The following PACRG variants were observed in gnomAD, a reference collection of about 807,000 sequenced individuals.
PACRG encodes the protein parkin coregulated.
In PACRG, 29 loss-of-function variants were observed where a neutral mutation model predicts 29.7. The ratio of observed to expected loss-of-function variants is 0.98; its 90% CI spans 0.73 to 1.33. The LOEUF (loss-of-function observed/expected upper bound fraction) is 1.33, where lower values mean the gene tolerates loss of function less well. Ranked by LOEUF, PACRG falls within the 40% of genes most tolerant of loss-of-function variation. PACRG has a pLI of 0.00. For missense variants in PACRG, 279 were observed against 316.2 expected, an observed-to-expected ratio of 0.88 and a Z score of 0.89; for synonymous variants, 116 against 118.7, an observed-to-expected ratio of 0.98 and a Z score of 0.15.
intron 2 of PACRG, among the ~76,000 whole-genome samples, chr6:162,868,449 G>T (rs1460269902): frequency 2.6e-5 from 4 of 152,226 alleles, no homozygotes; most frequent in South Asian, 2.1e-4. Context: ...GGGAGCTGTG[G>T]CAGGCCAGCC....
At chr6:163,029,896 G>T (rs1011790835) in intron 2 of PACRG, among the ~76,000 whole-genome samples, 3 of 152,112 alleles carry the variant, frequency 2.0e-5, no homozygotes, top group Non-Finnish European at 4.4e-5. Flanking sequence ...GGTACTTGTT[G>T]GGCATAGCTT....
At chr6:163,112,060 A>T (rs1336809283) in intron 4 of PACRG, 1 of 961,340 alleles carries the variant, frequency 1.0e-6, no homozygotes, top group Non-Finnish European at 1.2e-6. Flanking sequence ...TTCATTGAGG[A>T]ATTTTTAAAA....
intron 4 of PACRG, among the ~76,000 whole-genome samples, chr6:163,255,750 C>T (rs1321384360): frequency 6.6e-6 from 1 of 152,172 alleles, no homozygotes; most frequent in Non-Finnish European, 1.5e-5. Context: ...AACTCTCGTG[C>T]CTTAGCCTCC....
In PACRG at chr6:162,886,891, C is replaced by T. The variant is rs546641730; in HGVS notation, c.291+72610C>T. 3.9e-4 allele frequency among the ~76,000 whole-genome samples: 59 copies of T among 152,178 alleles called. 2 individuals are homozygous for T. The highest frequency in any genetic ancestry group is 1.4e-3 in the African/African-American group (58 of 41,518). ...AGACGTTATCCATACAATAATTATG[C>T]AACTCCAGTTATTATTATTATTAGT... On this transcript the variant is annotated intron_variant, in intron 2 of 4. Transcript: ENST00000366888.
At chr6:162,852,880 G>A (rs76115844) in intron 2 of PACRG, among the ~76,000 whole-genome samples, 27,474 of 152,076 alleles carry the variant, frequency 0.18, 3,086 homozygotes, top group Non-Finnish European at 0.25. Context: ...ATAAACTGTC[G>A]GGTCTGCCTT....
intron 2 of PACRG, among the ~76,000 whole-genome samples, chr6:162,852,005 G>GGAAGGAAGGAAGGAAGGAAGGA (rs1562663902): frequency 1.0e-4 from 12 of 116,032 alleles, no homozygotes; most frequent in African/African-American, 4.1e-4. Context: ...GGGAGGGAGG[G>GGAAGGAAGGAAGGAAGGAAGGA]AGGAAGGAAG....
intron 4 of PACRG, among the ~76,000 whole-genome samples, chr6:163,184,641 G>A (rs1299315703): frequency 6.6e-6 from 1 of 152,204 alleles, no homozygotes; most frequent in Non-Finnish European, 1.5e-5. Context: ...GGTGCTATGA[G>A]CTCCTAAGAA....
chr6:163,068,796 T>A (rs1418602838), intron 3 of PACRG, among the ~76,000 whole-genome samples: 1 of 152,170 alleles, frequency 6.6e-6, no homozygotes, highest in Non-Finnish European at 1.5e-5. Flanking sequence ...TGTTCCTTTT[T>A]TTATACTATT....
chr6:162,728,712 C>T (rs1411302775), intron 1 of PACRG, among the ~76,000 whole-genome samples: 1 of 152,138 alleles, frequency 6.6e-6, no homozygotes, highest in East Asian at 1.9e-4. Flanking sequence ...TCCTAACTAG[C>T]CCCACTCAGC....
chr6:163,246,368 G>A (rs1016211584), intron 4 of PACRG, among the ~76,000 whole-genome samples: 22 of 152,062 alleles, frequency 1.4e-4, no homozygotes, highest in African/African-American at 4.1e-4. Context: ...CTGGTTCTGC[G>A]CATGGCTCCT....
At chr6:162,973,892 G>A (rs950760799) in intron 2 of PACRG, among the ~76,000 whole-genome samples, 6 of 152,254 alleles carry the variant, frequency 3.9e-5, no homozygotes, top group Non-Finnish European at 8.8e-5. Context: ...GCTTCTTACT[G>A]TCAGGAGAGA....
chr6:163,137,552 C>T (rs1257492852), intron 4 of PACRG, among the ~76,000 whole-genome samples: 4 of 152,148 alleles, frequency 2.6e-5, no homozygotes, highest in Non-Finnish European at 1.5e-5. Context: ...CCGATCCTTT[C>T]TCCATCCCCC....
intron 4 of PACRG, among the ~76,000 whole-genome samples, chr6:163,132,552 T>G (rs1816781673): frequency 6.6e-6 from 1 of 152,200 alleles, no homozygotes; most frequent in Non-Finnish European, 1.5e-5. Flanking sequence ...TACAGCCTAG[T>G]CATAGCCCAG....
At chr6:162,757,180 C>A (rs1781991998) in intron 1 of PACRG, among the ~76,000 whole-genome samples, 1 of 151,996 alleles carries the variant, frequency 6.6e-6, no homozygotes, top group Non-Finnish European at 1.5e-5. Context: ...TAAATCTTAA[C>A]TAGGTGTTAA....
At chr6:162,802,437 CA>C (rs1255656529) in intron 1 of PACRG, among the ~76,000 whole-genome samples, 6 of 152,220 alleles carry the variant, frequency 3.9e-5, no homozygotes, top group Non-Finnish European at 7.4e-5. Flanking sequence ...TATGTAAGTG[CA>C]TTGGTTATAC....
At chr6:163,191,704 C>G in intron 4 of PACRG, 1 of 456,398 alleles carries the variant, frequency 2.2e-6, no homozygotes, top group Non-Finnish European at 4.4e-6. Context: ...TCTTCCTCCA[C>G]CCATCCACCA....
intron 2 of PACRG, among the ~76,000 whole-genome samples, chr6:162,826,651 C>T (rs576921395): frequency 3.9e-4 from 59 of 151,654 alleles, no homozygotes; most frequent in Non-Finnish European, 6.6e-4. Context: ...TTAGTAGAGA[C>T]GGGGTTTCTC....
At chr6:162,855,974 C>T (rs1371079117) in intron 2 of PACRG, among the ~76,000 whole-genome samples, 1 of 152,126 alleles carries the variant, frequency 6.6e-6, no homozygotes, top group African/African-American at 2.4e-5. Context: ...CCACCCATGC[C>T]GGACTTTATG....
At position 163,094,896 on chromosome 6, in the gene PACRG, C is replaced by T. The variant is rs75280683; in HGVS notation, c.613+5488C>T. Among the ~76,000 whole-genome samples, 1,219 of 152,288 alleles carry T rather than the reference C, an allele frequency of 8.0e-3. 8 individuals are homozygous for T. The highest frequency in any genetic ancestry group is 0.012 in the Non-Finnish European group (831 of 68,020). ...TCCTTTTCCACATATAGCAAGCCCTCGGGAAATTATAGAAAACTTTCCTTC... is the reference window on the plus strand; with the variant it reads ...TCCTTTTCCACATATAGCAAGCCCTTGGGAAATTATAGAAAACTTTCCTTC... On this transcript the variant is annotated intron_variant, in intron 4 of 4. Coordinates refer to ENST00000366888, the MANE Select transcript of PACRG (RefSeq NM_001080379.2).
Sources: gnomAD v4.1 joint callset for allele counts (sites outside exome capture counted in the v4.1 genomes callset) on GRCh38, gnomAD v4.1.1 for gene constraint, MANE v1.5 for transcripts, NCBI Gene and HGNC (gene_info 2026-07-23, HGNC 2026-07-21) for gene names.